The following DPYD variants were observed in gnomAD, a reference collection of about 807,000 sequenced individuals.
DPYD encodes the protein dihydropyrimidine dehydrogenase [NADP(+)].
DPYD carries 109 observed loss-of-function variants against 116.2 expected under a neutral mutation model. The observed-to-expected ratio is 0.94, with a 90% CI of 0.80 to 1.10. The LOEUF is 1.10. DPYD is among the 50% of genes least tolerant of loss of function. The pLI, the probability that DPYD is intolerant of heterozygous loss-of-function variation, is 0.00. For missense variants in DPYD, 1,302 were observed against 1,254.5 expected, an observed-to-expected ratio of 1.04 and a Z score of -0.57; for synonymous variants, 440 against 432.0, an observed-to-expected ratio of 1.02 and a Z score of -0.23.
chr1:97,391,248 T>C (rs1672689642), intron 14 of DPYD, among the ~76,000 whole-genome samples: 1 of 151,982 alleles, frequency 6.6e-6, no homozygotes, highest in Admixed American at 6.6e-5. Flanking sequence ...TGCATCTTTT[T>C]CCTAAGTGCA....
chr1:97,533,724 C>T (rs1649802163), intron 12 of DPYD, among the ~76,000 whole-genome samples: 2 of 152,156 alleles, frequency 1.3e-5, no homozygotes, highest in South Asian at 2.1e-4. Flanking sequence ...TCAGCCAATA[C>T]TTGCTCTTGT....
At chr1:97,766,768 C>T (rs971948996) in intron 3 of DPYD, among the ~76,000 whole-genome samples, 10 of 152,050 alleles carry the variant, frequency 6.6e-5, no homozygotes, top group African/African-American at 2.4e-4. Context: ...TATAACCAGA[C>T]TTAAAGAAAA....
At chr1:97,589,361 G>C (rs974255920) in intron 10 of DPYD, among the ~76,000 whole-genome samples, 1 of 152,168 alleles carries the variant, frequency 6.6e-6, no homozygotes, top group African/African-American at 2.4e-5. Context: ...TCATGGGGGT[G>C]GTTCCCCCAT....
chr1:97,845,173 C>T (rs1670230643), intron 2 of DPYD, among the ~76,000 whole-genome samples: 1 of 152,194 alleles, frequency 6.6e-6, no homozygotes, highest in African/African-American at 2.4e-5. Flanking sequence ...TGAAGCCCCA[C>T]CTTCAAGCCA....
Position 97,564,665 on chromosome 1 carries a change from C to A in DPYD, c.1339+9095G>T, listed in dbSNP as rs926032239. ...GTGAGTTCTGTCAGCACTATAAACA[C>A]CTGTTTACCTCCCAGCTAGCTACCC... is the stretch of plus-strand genomic sequence containing the variant. On this transcript the variant is annotated intron_variant, in intron 11 of 22. Coordinates refer to ENST00000370192, the MANE Select transcript of DPYD (RefSeq NM_000110.4). Among the ~76,000 whole-genome samples, 68 of 152,120 alleles carry A rather than the reference C, an allele frequency of 4.5e-4. 1 individual carries two copies. The highest frequency in any genetic ancestry group is 4.4e-3 in the Admixed American group (67 of 15,266).
At chr1:97,690,810 T>C (rs1417900611) in intron 7 of DPYD, among the ~76,000 whole-genome samples, 1 of 152,122 alleles carries the variant, frequency 6.6e-6, no homozygotes. Flanking sequence ...TCTTGTTTAG[T>C]CATTATGTGT....
intron 16 of DPYD, among the ~76,000 whole-genome samples, chr1:97,335,132 T>C (rs191089283): frequency 8.5e-5 from 13 of 152,282 alleles, no homozygotes; most frequent in African/African-American, 3.1e-4. Flanking sequence ...TCAGCTTTTG[T>C]AGAGGCTGCT....
chr1:97,254,262 T>C (rs1226946977), intron 18 of DPYD, among the ~76,000 whole-genome samples: 3 of 152,186 alleles, frequency 2.0e-5, no homozygotes, highest in African/African-American at 7.2e-5. Context: ...GGCATTGCAC[T>C]GTACATATAC....
At chr1:97,757,652 G>A (rs949105556) in intron 3 of DPYD, among the ~76,000 whole-genome samples, 1 of 151,980 alleles carries the variant, frequency 6.6e-6, no homozygotes, top group Non-Finnish European at 1.5e-5. Context: ...CTATAAATAG[G>A]AATATTTTTG....
At chr1:97,584,480 T>C (rs1459811048) in intron 10 of DPYD, among the ~76,000 whole-genome samples, 2 of 152,136 alleles carry the variant, frequency 1.3e-5, no homozygotes, top group Non-Finnish European at 2.9e-5. Context: ...CATGAAGTCC[T>C]TGCCCATGCC....
At chr1:97,463,643 G>T (rs1157212053) in intron 13 of DPYD, among the ~76,000 whole-genome samples, 2 of 152,126 alleles carry the variant, frequency 1.3e-5, no homozygotes, top group Non-Finnish European at 2.9e-5. Flanking sequence ...CTAGTGACTT[G>T]TTGAATAGCT....
chr1:97,764,754 C>G (rs2101137638), intron 3 of DPYD, among the ~76,000 whole-genome samples: 1 of 152,102 alleles, frequency 6.6e-6, no homozygotes, highest in Middle Eastern at 3.4e-3. Context: ...ATTTTACGTA[C>G]CATATTTGTT....
intron 14 of DPYD, among the ~76,000 whole-genome samples, chr1:97,449,395 G>C (rs1472303943): frequency 6.6e-6 from 1 of 151,902 alleles, no homozygotes; most frequent in East Asian, 1.9e-4. Context: ...ATGAGAGAGA[G>C]AAAGAGGAAG....
chr1:97,650,126 T>C, intron 8 of DPYD, among the ~76,000 whole-genome samples: 1 of 152,096 alleles, frequency 6.6e-6, no homozygotes, highest in East Asian at 1.9e-4. Flanking sequence ...GATGTTCCCT[T>C]AGAATGCACC....
chr1:97,732,934 C>T (rs1663715056), intron 4 of DPYD, among the ~76,000 whole-genome samples: 1 of 152,006 alleles, frequency 6.6e-6, no homozygotes, highest in Admixed American at 6.6e-5. Flanking sequence ...AGCTAGGATA[C>T]TTTGAAAATA....
chr1:97,661,469 A>T (rs1025493374), intron 8 of DPYD, among the ~76,000 whole-genome samples: 1 of 152,186 alleles, frequency 6.6e-6, no homozygotes, highest in Non-Finnish European at 1.5e-5. Context: ...TACAATATTT[A>T]ACTGTGACTA....
intron 2 of DPYD, among the ~76,000 whole-genome samples, chr1:97,853,777 C>G (rs998523511): frequency 1.3e-5 from 2 of 152,112 alleles, no homozygotes; most frequent in African/African-American, 4.8e-5. Context: ...TCTAAGATTG[C>G]GTAGTTAACA....
At chr1:97,773,474 C>T (rs928814892) in intron 3 of DPYD, among the ~76,000 whole-genome samples, 1 of 152,168 alleles carries the variant, frequency 6.6e-6, no homozygotes. Context: ...TAAGTGAGAA[C>T]AGCACTCCTA....
chr1:97,162,592 G>C (rs867904337), intron 20 of DPYD, among the ~76,000 whole-genome samples: 2 of 151,924 alleles, frequency 1.3e-5, no homozygotes, highest in Non-Finnish European at 2.9e-5. Context: ...TCCCCATCAA[G>C]CTACCAATGA....
Sources: gnomAD v4.1 joint callset for allele counts (sites outside exome capture counted in the v4.1 genomes callset) on GRCh38, gnomAD v4.1.1 for gene constraint, MANE v1.5 for transcripts, NCBI Gene and HGNC (gene_info 2026-07-23, HGNC 2026-07-21) for gene names.